The following CSMD1 variants were observed in gnomAD, a reference collection of about 807,000 sequenced individuals.
CSMD1 encodes CUB and sushi domain-containing protein 1.
In CSMD1, 213 loss-of-function variants were observed where a neutral mutation model predicts 417.5. The observed-to-expected ratio is 0.51, with a 90% CI of 0.46 to 0.57. The LOEUF (loss-of-function observed/expected upper bound fraction) is 0.57, where lower values mean the gene tolerates loss of function less well. Among genes scored for constraint, CSMD1 ranks in the 20% least tolerant of loss-of-function variants. The pLI is 0.00. For synonymous variants in CSMD1, 2,862 were observed against 1,736.8 expected, an observed-to-expected ratio of 1.65 and a Z score of -16.11; for missense variants, 6,923 against 4,529.7, an observed-to-expected ratio of 1.53 and a Z score of -15.17.
At chr8:4,447,715 A>C (rs1220678016) in intron 2 of CSMD1, among the ~76,000 whole-genome samples, 1 of 152,216 alleles carries the variant, frequency 6.6e-6, no homozygotes, top group African/African-American at 2.4e-5. Context: ...ATAGTTAATA[A>C]AACCAAAATT....
At chr8:3,570,790 A>C (rs2116918818) in intron 10 of CSMD1, among the ~76,000 whole-genome samples, 1 of 152,312 alleles carries the variant, frequency 6.6e-6, no homozygotes, top group African/African-American at 2.4e-5. Context: ...AAGCTAATAA[A>C]GCGTTCTCAC....
At chr8:3,537,715 T>C in intron 10 of CSMD1, among the ~76,000 whole-genome samples, 1 of 152,202 alleles carries the variant, frequency 6.6e-6, no homozygotes, top group Non-Finnish European at 1.5e-5. Context: ...TATCACTTCA[T>C]ACATTATCAA....
intron 6 of CSMD1, among the ~76,000 whole-genome samples, chr8:3,729,748 C>G (rs1802713899): frequency 6.6e-6 from 1 of 151,980 alleles, no homozygotes; most frequent in Non-Finnish European, 1.5e-5. Flanking sequence ...TTTAAAAGCT[C>G]TCACCACAAA....
intron 3 of CSMD1, among the ~76,000 whole-genome samples, chr8:4,313,880 G>A (rs980728008): frequency 6.6e-6 from 1 of 151,972 alleles, no homozygotes; most frequent in African/African-American, 2.4e-5. Flanking sequence ...TAGGCATGGT[G>A]GTGCACACCT....
chr8:3,463,744 C>A (rs73497477), intron 12 of CSMD1, among the ~76,000 whole-genome samples: 2,036 of 152,272 alleles, frequency 0.013, 49 homozygotes, highest in African/African-American at 0.046. Flanking sequence ...AGTACAACCA[C>A]GCAAGACGAG....
intron 27 of CSMD1, among the ~76,000 whole-genome samples, chr8:3,226,874 G>C (rs1172001195): frequency 6.6e-6 from 1 of 151,536 alleles, no homozygotes; most frequent in Non-Finnish European, 1.5e-5. Context: ...ATAATAAAAA[G>C]TAAAAAAGTA....
At chr8:4,875,774 G>A (rs1184206546) in intron 1 of CSMD1, among the ~76,000 whole-genome samples, 1 of 151,636 alleles carries the variant, frequency 6.6e-6, no homozygotes, top group African/African-American at 2.4e-5. Context: ...CAGAGGATAG[G>A]GAACTCTAAG....
rs145650781 is a variant in CSMD1, at chr8:4,971,794, A to G, written c.85+22538T>C. Among the ~76,000 whole-genome samples, 619 of 152,078 alleles carry G rather than the reference A, an allele frequency of 4.1e-3. 5 individuals are homozygous for G. Among genetic ancestry groups the G allele is most frequent in the African/African-American group, 0.014 (595 of 41,522 alleles). ...TAAAATTAATACAATTCTCATTATT[A>G]TAAGTAGAAATATAGAATTTAAAGA... On this transcript the variant is annotated intron_variant, in intron 1 of 69. Transcript: ENST00000635120.
chr8:4,564,463 T>A (rs150984368), intron 2 of CSMD1, among the ~76,000 whole-genome samples: 15 of 152,334 alleles, frequency 9.8e-5, no homozygotes, highest in South Asian at 2.1e-4. Flanking sequence ...GTGAGGGGCC[T>A]GATCCTGGTT....
chr8:4,780,376 C>G (rs531037621), intron 1 of CSMD1, among the ~76,000 whole-genome samples: 1 of 152,254 alleles, frequency 6.6e-6, no homozygotes, highest in East Asian at 1.9e-4. Flanking sequence ...ATTTAAAAAT[C>G]AGTGGAACTC....
chr8:4,112,736 A>G (rs897975686), intron 3 of CSMD1, among the ~76,000 whole-genome samples: 69 of 152,372 alleles, frequency 4.5e-4, no homozygotes, highest in Non-Finnish European at 1.6e-4. Context: ...ATGTTTAAAA[A>G]TATTAAACAA....
chr8:3,870,282 C>T (rs1016300366), intron 5 of CSMD1, among the ~76,000 whole-genome samples: 2 of 152,110 alleles, frequency 1.3e-5, no homozygotes, highest in African/African-American at 2.4e-5. Context: ...GTGTTACATA[C>T]CAATATTTCC....
chr8:4,101,114 T>A (rs189084978), intron 3 of CSMD1, among the ~76,000 whole-genome samples: 3 of 152,188 alleles, frequency 2.0e-5, no homozygotes, highest in South Asian at 2.1e-4. Context: ...AACCAGCGAA[T>A]AGTCTTTTAA....
At chr8:4,582,116 A>G (rs1183827674) in intron 2 of CSMD1, among the ~76,000 whole-genome samples, 1 of 151,544 alleles carries the variant, frequency 6.6e-6, no homozygotes, top group African/African-American at 2.4e-5. Flanking sequence ...TGAACTGATG[A>G]GCTTTGTGAG....
chr8:3,773,494 C>T (rs1776595324), intron 5 of CSMD1, among the ~76,000 whole-genome samples: 1 of 152,088 alleles, frequency 6.6e-6, no homozygotes, highest in South Asian at 2.1e-4. Flanking sequence ...ACCGTGTTTC[C>T]CAGGCTGGTC....
intron 2 of CSMD1, among the ~76,000 whole-genome samples, chr8:4,507,185 A>T (rs1414081573): frequency 1.3e-5 from 2 of 152,208 alleles, no homozygotes; most frequent in East Asian, 3.8e-4. Context: ...AAGTATTGCC[A>T]TCTGTTTGTT....
intron 3 of CSMD1, among the ~76,000 whole-genome samples, chr8:4,174,024 G>C (rs1204125433): frequency 1.3e-5 from 2 of 152,196 alleles, no homozygotes; most frequent in Non-Finnish European, 2.9e-5. Flanking sequence ...CCATGGCCAA[G>C]GGAATGCCCT....
At chr8:3,189,491 G>A (rs1258727863) in intron 34 of CSMD1, among the ~76,000 whole-genome samples, 1 of 152,122 alleles carries the variant, frequency 6.6e-6, no homozygotes, top group Non-Finnish European at 1.5e-5. Flanking sequence ...AATGAAGCAG[G>A]TAAACTATAA....
chr8:3,434,982 G>T (rs1814454633), intron 12 of CSMD1, among the ~76,000 whole-genome samples: 1 of 152,150 alleles, frequency 6.6e-6, no homozygotes, highest in African/African-American at 2.4e-5. Flanking sequence ...ATCCCCCCAG[G>T]GAGCTGGTAG....
Sources: allele counts gnomAD v4.1 joint callset (sites outside exome capture counted in the v4.1 genomes callset), GRCh38; gene constraint gnomAD v4.1.1; transcripts MANE v1.5; gene names NCBI Gene and HGNC (gene_info 2026-07-23, HGNC 2026-07-21).